The following POU6F2 variants were observed in gnomAD, a reference collection of about 807,000 sequenced individuals.
The protein encoded by POU6F2 is POU domain, class 6, transcription factor 2.
Under a neutral mutation model 71.3 loss-of-function variants are expected in POU6F2, and 31 were observed. That is an observed-to-expected ratio of 0.43 (90% CI 0.33 to 0.59). POU6F2 has a LOEUF of 0.59. POU6F2 is among the 20% of genes least tolerant of loss of function. The pLI is 0.04. For synonymous variants in POU6F2, 347 were observed against 355.7 expected (o/e 0.98, Z 0.27); for missense variants, 783 against 856.8 (o/e 0.91, Z 1.07).
intron 2 of POU6F2, among the ~76,000 whole-genome samples, chr7:39,133,838 A>G (rs187833722): frequency 7.7e-4 from 118 of 152,330 alleles, no homozygotes; most frequent in African/African-American, 2.8e-3. Flanking sequence ...GGAACATAGT[A>G]GAAACTCAAT....
intron 5 of POU6F2, among the ~76,000 whole-genome samples, chr7:39,365,471 A>G (rs970309474): frequency 1.3e-5 from 2 of 152,192 alleles, no homozygotes; most frequent in Admixed American, 6.5e-5. Context: ...TTCTAGACTT[A>G]GGCAAGGATT....
At chr7:39,078,003 T>A (rs995427558) in intron 1 of POU6F2, among the ~76,000 whole-genome samples, 4 of 152,180 alleles carry the variant, frequency 2.6e-5, no homozygotes, top group Non-Finnish European at 2.9e-5. Flanking sequence ...GCACAACTAT[T>A]AGGTTATTTT....
At chr7:39,051,279 G>A (rs998289825) in intron 1 of POU6F2, among the ~76,000 whole-genome samples, 16 of 152,124 alleles carry the variant, frequency 1.1e-4, no homozygotes, top group African/African-American at 3.6e-4. Flanking sequence ...CACAAGAGTG[G>A]CATCACTGAA....
At chr7:39,281,344 A>G (rs190948826) in intron 4 of POU6F2, among the ~76,000 whole-genome samples, 1 of 152,278 alleles carries the variant, frequency 6.6e-6, no homozygotes, top group Admixed American at 6.5e-5. Context: ...GAAATATACA[A>G]TACAATATTG....
chr7:39,012,978 T>G (rs1789347151), intron 1 of POU6F2: 1 of 152,268 alleles, frequency 6.6e-6, no homozygotes, highest in Admixed American at 6.5e-5. Context: ...CTGCTGTCTT[T>G]TTGTTTGTCT....
intron 6 of POU6F2, among the ~76,000 whole-genome samples, chr7:39,409,380 A>G (rs1197656239): frequency 2.0e-5 from 3 of 152,190 alleles, no homozygotes; most frequent in Non-Finnish European, 2.9e-5. Context: ...CTTATCAGAA[A>G]TGTTCTGATC....
At chr7:39,245,653 A>C (rs552433543) in intron 4 of POU6F2, among the ~76,000 whole-genome samples, 1 of 152,330 alleles carries the variant, frequency 6.6e-6, no homozygotes, top group East Asian at 1.9e-4. Flanking sequence ...GTCTCTTTCC[A>C]TCTAGGAGGA....
intron 1 of POU6F2, among the ~76,000 whole-genome samples, chr7:39,062,506 A>G (rs1455921894): frequency 6.6e-6 from 1 of 151,380 alleles, no homozygotes; most frequent in Non-Finnish European, 1.5e-5. Flanking sequence ...GCAATTGCCC[A>G]TTCCATCCTG....
In POU6F2 at chr7:38,989,861, C is replaced by T. The variant is rs58701361; in HGVS notation, c.105+11803C>T. Among the ~76,000 whole-genome samples, 619 of 150,108 alleles carry T rather than the reference C, an allele frequency of 4.1e-3. 1 individual carries two copies. The highest frequency in any genetic ancestry group is 0.014 in the African/African-American group (580 of 40,882). ...TGTGTGTGTGTGGAAAATTCCCATG[C>T]GTAATTTCAGGAAAGGCTTGAAAAC... On this transcript the variant is annotated intron_variant, in intron 1 of 9. Coordinates refer to ENST00000518318, the MANE Select transcript of POU6F2 (RefSeq NM_001370959.1).
chr7:39,286,839 T>A (rs1324526561), intron 4 of POU6F2, among the ~76,000 whole-genome samples: 2 of 152,130 alleles, frequency 1.3e-5, no homozygotes, highest in African/African-American at 4.8e-5. Flanking sequence ...CCTGGCTCAC[T>A]GCAGCCTCAA....
chr7:39,212,155 T>C (rs2128746858), intron 4 of POU6F2, among the ~76,000 whole-genome samples: 1 of 152,284 alleles, frequency 6.6e-6, no homozygotes, highest in East Asian at 1.9e-4. Context: ...TCCTCTTGGC[T>C]ATGATGTGGG....
chr7:39,203,945 T>C (rs1793955510), intron 2 of POU6F2, among the ~76,000 whole-genome samples: 1 of 152,134 alleles, frequency 6.6e-6, no homozygotes, highest in South Asian at 2.1e-4. Flanking sequence ...GAAACTAGAT[T>C]AGCTGTGGCT....
intron 5 of POU6F2, among the ~76,000 whole-genome samples, chr7:39,386,117 C>CAAAA (rs531818996): frequency 7.7e-5 from 7 of 91,300 alleles, no homozygotes; most frequent in Admixed American, 5.0e-4. Flanking sequence ...GACTCCGTCT[C>CAAAA]AAAAAAAAAA....
At chr7:39,009,397 G>A (rs1789191880) in intron 1 of POU6F2, among the ~76,000 whole-genome samples, 1 of 152,102 alleles carries the variant, frequency 6.6e-6, no homozygotes, top group Non-Finnish European at 1.5e-5. Flanking sequence ...TGCTGAAGTT[G>A]CTTATCAGCT....
At chr7:39,015,784 G>A (rs1282734269) in intron 1 of POU6F2, among the ~76,000 whole-genome samples, 1 of 83,562 alleles carries the variant, frequency 1.2e-5, no homozygotes, top group Non-Finnish European at 2.1e-5. Context: ...ATTATATATG[G>A]TATATTATAT....
Position 39,333,408 on chromosome 7 carries a change from A to AT in POU6F2, c.599-6224dup, listed in dbSNP as rs369120335. On this transcript the variant is annotated intron_variant, in intron 4 of 9. Coordinates refer to ENST00000518318, the MANE Select transcript of POU6F2 (RefSeq NM_001370959.1). ...CTTTCCAACCAATGATCTTGTTTCA[A>AT]TTTTTTTTTTCTAATGGCAGAACAA... Among the ~76,000 whole-genome samples, 234 of 150,262 alleles carry AT rather than the reference A, an allele frequency of 1.6e-3. 1 individual carries two copies. The highest frequency in any genetic ancestry group is 0.01 in the Middle Eastern group (3 of 294).
At chr7:39,426,264 C>T (rs1787969136) in intron 6 of POU6F2, among the ~76,000 whole-genome samples, 1 of 152,200 alleles carries the variant, frequency 6.6e-6, no homozygotes, top group South Asian at 2.1e-4. Context: ...CTCTTGGGGG[C>T]ACTTTCATGA....
intron 2 of POU6F2, among the ~76,000 whole-genome samples, chr7:39,126,875 T>G (rs1267136294): frequency 2.0e-5 from 3 of 152,194 alleles, no homozygotes; most frequent in Non-Finnish European, 4.4e-5. Context: ...ATTAGACCAG[T>G]GGGCTAAAGA....
intron 4 of POU6F2, among the ~76,000 whole-genome samples, chr7:39,323,859 A>T (rs541427356): frequency 1.3e-5 from 2 of 152,244 alleles, no homozygotes; most frequent in African/African-American, 4.8e-5. Context: ...CTGTAATCCT[A>T]GCACTTTGGG....
Sources: allele counts gnomAD v4.1 joint callset (sites outside exome capture counted in the v4.1 genomes callset), GRCh38; gene constraint gnomAD v4.1.1; transcripts MANE v1.5; gene names NCBI Gene and HGNC (gene_info 2026-07-23, HGNC 2026-07-21).